ERC2: variants seen among roughly 807,000 people sequenced by gnomAD.
ERC2 encodes ERC protein 2.
A neutral mutation model predicts 114.8 loss-of-function variants in ERC2; 42 were observed. The observed-to-expected ratio is 0.37, with a 90% CI of 0.29 to 0.47. ERC2 has a LOEUF of 0.47. ERC2 is among the 20% of genes least tolerant of loss of function. The pLI is 0.99. For missense variants in ERC2, 939 were observed against 1,150.7 expected, an observed-to-expected ratio of 0.82 and a Z score of 2.66; for synonymous variants, 454 against 425.5, an observed-to-expected ratio of 1.07 and a Z score of -0.82.
chr3:56,402,986 G>A (rs763416842), intron 2 of ERC2, among the ~76,000 whole-genome samples: 2 of 152,036 alleles, frequency 1.3e-5, no homozygotes, highest in South Asian at 2.1e-4. Flanking sequence ...TGCCAGTGGC[G>A]CTCCTCCCAA....
chr3:56,408,666 A>G (rs1390859814), intron 2 of ERC2, among the ~76,000 whole-genome samples: 2 of 152,192 alleles, frequency 1.3e-5, no homozygotes, highest in Non-Finnish European at 2.9e-5. Context: ...TATTAGACAG[A>G]CAACAGACGA....
intron 14 of ERC2, among the ~76,000 whole-genome samples, chr3:55,832,774 T>C (rs529518664): frequency 2.1e-3 from 312 of 152,102 alleles, no homozygotes; most frequent in African/African-American, 7.3e-3. Flanking sequence ...CTTTGACGAG[T>C]TGAGAGAAGA....
intron 3 of ERC2, among the ~76,000 whole-genome samples, chr3:56,218,905 C>T (rs2049698601): frequency 6.6e-6 from 1 of 152,040 alleles, no homozygotes; most frequent in African/African-American, 2.4e-5. Context: ...AACCAAACGC[C>T]GCGTGTTCTC....
At chr3:56,437,259 G>C (rs975582) in intron 1 of ERC2, among the ~76,000 whole-genome samples, 127,094 of 152,228 alleles carry the variant, frequency 0.83, 53,360 homozygotes, top group East Asian at 0.93. Context: ...TAGCCAACAG[G>C]CAAGCCGCCC....
intron 1 of ERC2, among the ~76,000 whole-genome samples, chr3:56,436,442 G>T (rs140017556): frequency 2.0e-5 from 3 of 152,240 alleles, no homozygotes; most frequent in African/African-American, 7.2e-5. Flanking sequence ...GTATACATGG[G>T]TATCTTTTAT....
At chr3:56,100,906 A>T (rs535526513) in intron 6 of ERC2, among the ~76,000 whole-genome samples, 1 of 152,340 alleles carries the variant, frequency 6.6e-6, no homozygotes, top group East Asian at 1.9e-4. Context: ...TTACAAGGAA[A>T]GGGGCCTAAA....
chr3:56,352,187 C>T (rs2058579199), intron 2 of ERC2, among the ~76,000 whole-genome samples: 1 of 152,140 alleles, frequency 6.6e-6, no homozygotes, highest in African/African-American at 2.4e-5. Flanking sequence ...ATGTAGATAA[C>T]AGCGTGGAAA....
At chr3:56,395,520 T>C (rs1209204499) in intron 2 of ERC2, among the ~76,000 whole-genome samples, 1 of 152,136 alleles carries the variant, frequency 6.6e-6, no homozygotes, top group East Asian at 1.9e-4. Flanking sequence ...CCTCAAAGCA[T>C]GGTGCTGTCT....
chr3:56,363,927 G>A (rs114680561), intron 2 of ERC2, among the ~76,000 whole-genome samples: 3,558 of 151,900 alleles, frequency 0.023, 40 homozygotes, highest in South Asian at 0.071. Context: ...GGAAGGGAAG[G>A]AAAGCAAGGG....
At chr3:56,434,173 A>C (rs943189118) in intron 2 of ERC2, 178 bp downstream of exon 2, 1 of 592,806 alleles carries the variant, frequency 1.7e-6, no homozygotes, top group African/African-American at 1.9e-5. Flanking sequence ...GGAAATTACA[A>C]GCTGTAATGG....
At chr3:56,384,786 T>C (rs913169249) in intron 2 of ERC2, among the ~76,000 whole-genome samples, 2 of 152,204 alleles carry the variant, frequency 1.3e-5, no homozygotes, top group Non-Finnish European at 2.9e-5. Context: ...TCTAATGTCA[T>C]AAATTTTCTT....
At chr3:56,164,439 G>A (rs902435965) in intron 4 of ERC2, among the ~76,000 whole-genome samples, 1 of 151,974 alleles carries the variant, frequency 6.6e-6, no homozygotes, top group Non-Finnish European at 1.5e-5. Context: ...ATTACTTTTT[G>A]TTGATGAATA....
At chr3:56,082,217 G>A (rs1576852274) in intron 6 of ERC2, among the ~76,000 whole-genome samples, 2 of 152,206 alleles carry the variant, frequency 1.3e-5, no homozygotes, top group African/African-American at 4.8e-5. Context: ...TAAAAGGTGG[G>A]GCCTTTAGGA....
At chr3:55,960,952 TG>T (rs2068317494) in intron 12 of ERC2, among the ~76,000 whole-genome samples, 1 of 152,204 alleles carries the variant, frequency 6.6e-6, no homozygotes, top group African/African-American at 2.4e-5. Flanking sequence ...CTGGCCAACA[TG>T]GCAAAACCCC....
At chr3:56,256,508 T>C (rs1431335451) in intron 3 of ERC2, among the ~76,000 whole-genome samples, 1 of 152,156 alleles carries the variant, frequency 6.6e-6, no homozygotes, top group Non-Finnish European at 1.5e-5. Context: ...ACTTCATAAT[T>C]TATCTTTTCT....
intron 13 of ERC2, among the ~76,000 whole-genome samples, chr3:55,938,006 A>G (rs1197517676): frequency 1.3e-5 from 2 of 152,196 alleles, no homozygotes; most frequent in Admixed American, 6.5e-5. Context: ...TAGAAGGTTC[A>G]TGTTTTAAAC....
At chr3:55,690,162 T>C (rs532582983) in intron 16 of ERC2, among the ~76,000 whole-genome samples, 10 of 152,328 alleles carry the variant, frequency 6.6e-5, no homozygotes, top group African/African-American at 2.4e-4. Flanking sequence ...TTTAAAATGC[T>C]ATTGGTCTGT....
At chr3:55,737,812 G>A (rs1044527865) in intron 14 of ERC2, among the ~76,000 whole-genome samples, 12 of 152,114 alleles carry the variant, frequency 7.9e-5, no homozygotes, top group African/African-American at 1.4e-4. Context: ...TTTCAAGGCC[G>A]TTTGTATAGT....
intron 17 of ERC2, among the ~76,000 whole-genome samples, chr3:55,542,229 C>T (rs775305900): frequency 2.0e-5 from 3 of 152,180 alleles, no homozygotes; most frequent in African/African-American, 4.8e-5. Context: ...GGTCACCACT[C>T]CCTTGTGCCA....
Sources: gnomAD v4.1 joint callset for allele counts (sites outside exome capture counted in the v4.1 genomes callset) on GRCh38, gnomAD v4.1.1 for gene constraint, MANE v1.5 for transcripts, NCBI Gene and HGNC (gene_info 2026-07-23, HGNC 2026-07-21) for gene names.